Variants in ITGA11 observed in about 807,000 individuals in gnomAD.
ITGA11 encodes the protein integrin alpha-11.
In ITGA11, 97 loss-of-function variants were observed where a neutral mutation model predicts 141.9. The observed-to-expected ratio is 0.68, with a 90% CI of 0.58 to 0.81. The LOEUF (loss-of-function observed/expected upper bound fraction) is 0.81, where lower values mean the gene tolerates loss of function less well. Ranked by LOEUF, ITGA11 falls within the 30% of genes least tolerant of loss-of-function variation. The probability of loss-of-function intolerance (pLI) is 0.00; values close to 1 mark genes in which losing one functional copy is unlikely to be tolerated. For missense variants in ITGA11, 1,387 were observed against 1,559.2 expected, an observed-to-expected ratio of 0.89 and a Z score of 1.86; for synonymous variants, 658 against 624.6, an observed-to-expected ratio of 1.05 and a Z score of -0.80.
chr15:68,371,826 C>T (rs755411259), intron 2 of ITGA11, among the ~76,000 whole-genome samples: 13 of 152,014 alleles, frequency 8.6e-5, no homozygotes, highest in Non-Finnish European at 1.9e-4. Flanking sequence ...CTGGCAGTGG[C>T]TGAGATGGGA....
chr15:68,327,066 G>C (rs904600606), intron 16 of ITGA11, among the ~76,000 whole-genome samples: 5 of 151,940 alleles, frequency 3.3e-5, no homozygotes, highest in Non-Finnish European at 5.9e-5. Flanking sequence ...GATGAGGAGG[G>C]GAGACAGGAT....
At chr15:68,405,683 GGA>G (rs372297860) in intron 1 of ITGA11, among the ~76,000 whole-genome samples, 4 of 151,718 alleles carry the variant, frequency 2.6e-5, no homozygotes, top group South Asian at 2.1e-4. Context: ...ATGTCACAGA[GGA>G]GAGAGAGAGA....
chr15:68,401,562 T>C (rs935297988), intron 2 of ITGA11, among the ~76,000 whole-genome samples: 5 of 152,204 alleles, frequency 3.3e-5, no homozygotes, highest in Admixed American at 3.3e-4. Flanking sequence ...AACAACAGGT[T>C]AAACCTCACA....
At chr15:68,309,319 A>T (rs1437862491) in intron 26 of ITGA11, among the ~76,000 whole-genome samples, 1 of 152,216 alleles carries the variant, frequency 6.6e-6, no homozygotes, top group Non-Finnish European at 1.5e-5. Context: ...GTGTTGTGAG[A>T]AAGTTAATCA....
chr15:68,299,000 G>A lies in ITGA11; in HGVS notation c.*4059C>T, dbSNP rs118142628. ...GGCTGCCGTGAGCTGTGATGGTGCCGCTGCACTCTAGCCTGGGCAACAGAG... is the reference window on the plus strand; with the variant it reads ...GGCTGCCGTGAGCTGTGATGGTGCCACTGCACTCTAGCCTGGGCAACAGAG... On this transcript the variant is annotated 3_prime_UTR_variant, in exon 30 of 30. Transcript: ENST00000315757. The A allele has an allele frequency of 7.4e-3, 1,127 of 152,310 alleles. 13 individuals carry two copies. Among genetic ancestry groups the A allele is most frequent in the Non-Finnish European group, 0.013 (886 of 68,078 alleles). The allele number at this position is 152,310 out of a possible 1,614,324, so 9.4% of individuals were successfully genotyped here.
rs1895091821 is a variant in ITGA11, at chr15:68,357,055, G to A, written c.749+96C>T. On this transcript the variant is annotated intron_variant, in intron 7 of 29. Coordinates refer to ENST00000315757, the MANE Select transcript of ITGA11 (RefSeq NM_001004439.2). ...AGGAATTAAGAAATTATTGTCTCAA[G>A]GTACTAAATTTTGTGGTAGTGTGTT... 11 of 1,103,446 alleles carry A rather than the reference G, an allele frequency of 1.0e-5. No individual in the cohort carries two copies. In the South Asian group the frequency reaches 1.6e-4, roughly 16 times the overall value. 68.4% of individuals were successfully genotyped at this position (1,103,446 alleles called of 1,614,324 possible).
chr15:68,330,945 G>C (rs770500186), intron 15 of ITGA11, 36 bp downstream of exon 15: 2 of 1,612,116 alleles, frequency 1.2e-6, no homozygotes, highest in South Asian at 2.2e-5. Context: ...TGACTTTCAG[G>C]AGAGCCCAGG....
chr15:68,339,778 A>T lies in ITGA11; in HGVS notation c.1132-134T>A, dbSNP rs577272935. ...CTTCTCCTGGGTGCATTATTTAGCAACCTAACTTCTGGCTGGGGCTCTTGG... is the reference window on the plus strand; with the variant it reads ...CTTCTCCTGGGTGCATTATTTAGCATCCTAACTTCTGGCTGGGGCTCTTGG... On this transcript the variant is annotated intron_variant, in intron 10 of 29. Transcript: ENST00000315757. 3,429 of 942,382 alleles carry T rather than the reference A, an allele frequency of 3.6e-3. 14 individuals are homozygous for T. The highest frequency in any genetic ancestry group is 4.8e-3 in the Non-Finnish European group (3,000 of 629,996). 58.4% of individuals were successfully genotyped at this position (942,382 alleles called of 1,614,324 possible).
intron 1 of ITGA11, among the ~76,000 whole-genome samples, chr15:68,410,639 G>A (rs762284195): frequency 1.3e-5 from 2 of 152,210 alleles, no homozygotes; most frequent in Non-Finnish European, 2.9e-5. Context: ...CAGGGAACAT[G>A]TGAGGGTTCT....
chr15:68,353,473 A>G (rs1894976332), intron 7 of ITGA11, among the ~76,000 whole-genome samples: 1 of 152,188 alleles, frequency 6.6e-6, no homozygotes. Flanking sequence ...CCAGGAATAA[A>G]ACACCCTGCA....
rs1895603709 is a variant in ITGA11, at chr15:68,371,999, G to A, written c.165-2715C>T. 2.6e-5 allele frequency among the ~76,000 whole-genome samples: 4 copies of A among 152,148 alleles called. No individual in the cohort carries two copies. In the South Asian group the frequency reaches 8.3e-4, roughly 32 times the overall value. ...GTACTTCATGAGGTAGGAGGGCAGG[G>A]CTTACTGTCGCCATAATATAGCTGC... On this transcript the variant is annotated intron_variant, in intron 2 of 29. Transcript: ENST00000315757.
intron 26 of ITGA11, among the ~76,000 whole-genome samples, chr15:68,309,968 AT>A (rs1202805760): frequency 1.3e-5 from 2 of 152,160 alleles, no homozygotes; most frequent in African/African-American, 2.4e-5. Flanking sequence ...TTTTTTTAAG[AT>A]TAGCAAACCA....
At chr15:68,341,148 A>G (rs989745692) in intron 10 of ITGA11, among the ~76,000 whole-genome samples, 2 of 151,426 alleles carry the variant, frequency 1.3e-5, no homozygotes, top group Non-Finnish European at 2.9e-5. Flanking sequence ...TTTTACAGCT[A>G]TAAATAAGCT....
intron 6 of ITGA11, among the ~76,000 whole-genome samples, 193 bp downstream of exon 6, chr15:68,358,265 T>C (rs935028947): frequency 3.9e-5 from 6 of 152,160 alleles, no homozygotes; most frequent in African/African-American, 1.4e-4. Flanking sequence ...TCCCCCAAAA[T>C]GTCATTTGAT....
At position 68,312,778 on chromosome 15, in the gene ITGA11, A is replaced by C. The variant is rs745420287; in HGVS notation, c.2968T>G (p.Phe990Val). 6.8e-6 allele frequency: 11 copies of C among 1,611,522 alleles called. No homozygotes were observed. In the African/African-American group the frequency reaches 1.5e-4, roughly 22 times the overall value. The change falls in exon 24 of 30, where the codon TTC becomes GTC. Residue 990 changes from phenylalanine (F) to valine (V), a missense_variant. Phe to Val is a conservative substitution (Grantham distance 50). Transcript: ENST00000315757. ...CGGCTCCCCTCCAGCCTCACCCTGA[A>C]GATGCAGCTGAAGGGAGGCCCGATA... is the stretch of plus-strand genomic sequence containing the variant. ...DGIGPPFSCI[F>V]RIQNLGLFPI...
rs1179883123 is a variant in ITGA11, at chr15:68,432,157, C to G, written c.-91G>C. 1.1e-6 allele frequency: 1 copy of G among 937,198 alleles called. No individual in the cohort carries two copies. Among genetic ancestry groups the G allele is most frequent in the African/African-American group, 1.7e-5 (1 of 57,682 alleles). The allele number at this position is 937,198 out of a possible 1,614,324, so 58.1% of individuals were successfully genotyped here. A position where few individuals can be genotyped will look rare whatever the true frequency, so the allele number is the denominator to read the frequency against. On this transcript the variant is annotated 5_prime_UTR_variant, in exon 1 of 30. Coordinates refer to ENST00000315757, the MANE Select transcript of ITGA11 (RefSeq NM_001004439.2). Reference sequence around the variant, plus strand: ...GCCTCCTCGGCGCGGCGCCTGCAGCCTGCACTGCGCGGGGCGCCGGGCTCC... The same window carrying G: ...GCCTCCTCGGCGCGGCGCCTGCAGCGTGCACTGCGCGGGGCGCCGGGCTCC...
At chr15:68,334,569 G>A (rs561504884) in intron 12 of ITGA11, among the ~76,000 whole-genome samples, 1 of 149,220 alleles carries the variant, frequency 6.7e-6, no homozygotes, top group African/African-American at 2.5e-5. Context: ...AGAGGAAAGG[G>A]AAATAATACA....
At chr15:68,323,406 TTAAAA>T (rs1410530369) in intron 18 of ITGA11, among the ~76,000 whole-genome samples, 1 of 152,214 alleles carries the variant, frequency 6.6e-6, no homozygotes, top group Non-Finnish European at 1.5e-5. Flanking sequence ...ATCTGGCTGA[TTAAAA>T]TAAATAATTT....
chr15:68,317,164 G>A, intron 21 of ITGA11, 101 bp downstream of exon 21: 1 of 821,826 alleles, frequency 1.2e-6, no homozygotes, highest in Non-Finnish European at 2.1e-6. Flanking sequence ...TCCCTCCCTG[G>A]TCTTCTGTGT....
Sources: gnomAD v4.1 joint callset for allele counts (sites outside exome capture counted in the v4.1 genomes callset) on GRCh38, gnomAD v4.1.1 for gene constraint, MANE v1.5 for transcripts, NCBI Gene and HGNC (gene_info 2026-07-23, HGNC 2026-07-21) for gene names.